SHQ1: variants seen among roughly 807,000 people sequenced by gnomAD.
SHQ1 encodes the protein protein SHQ1 homolog.
A neutral mutation model predicts 53.8 loss-of-function variants in SHQ1; 49 were observed. The ratio of observed to expected loss-of-function variants is 0.91; its 90% CI spans 0.72 to 1.16. SHQ1 has a LOEUF of 1.16. Ranked by LOEUF, SHQ1 falls within the 50% of genes most tolerant of loss-of-function variation. The probability of loss-of-function intolerance (pLI) is 0.00; values close to 1 mark genes in which losing one functional copy is unlikely to be tolerated. For synonymous variants in SHQ1, 243 were observed against 251.0 expected (o/e 0.97, Z 0.30); for missense variants, 738 against 683.1 (o/e 1.08, Z -0.90).
downstream of SHQ1, among the ~76,000 whole-genome samples, chr3:72,746,904 A>G (rs1421906668): frequency 6.6e-6 from 1 of 152,216 alleles, no homozygotes; most frequent in Non-Finnish European, 1.5e-5. Context: ...GAAGAAATGC[A>G]TTTTCAATGG....
chr3:72,752,886 A>G (rs1021810606), intron 10 of SHQ1: 2 of 615,880 alleles, frequency 3.2e-6, no homozygotes, highest in Non-Finnish European at 4.1e-6. Context: ...GATGGTCTTG[A>G]TCTCCTGACC....
chr3:72,816,696 CA>C, intron 7 of SHQ1, among the ~76,000 whole-genome samples: 1 of 151,546 alleles, frequency 6.6e-6, no homozygotes, highest in East Asian at 1.9e-4. Flanking sequence ...CTTTAAATAG[CA>C]AAAAAAGATA....
At chr3:72,839,687 C>G (rs954275899) in intron 4 of SHQ1, among the ~76,000 whole-genome samples, 1 of 152,144 alleles carries the variant, frequency 6.6e-6, no homozygotes, top group Non-Finnish European at 1.5e-5. Flanking sequence ...GACCAGAACC[C>G]AGGTCTTTTC....
chr3:72,844,860 A>G (rs1363536611), intron 1 of SHQ1, among the ~76,000 whole-genome samples: 3 of 152,216 alleles, frequency 2.0e-5, no homozygotes, highest in Non-Finnish European at 4.4e-5. Context: ...CTGCATACAC[A>G]AAAGTATTAA....
At chr3:72,727,424 AG>A in the SHQ1 span, among the ~76,000 whole-genome samples, 1 of 152,174 alleles carries the variant, frequency 6.6e-6, no homozygotes, top group Non-Finnish European at 1.5e-5. Context: ...GAAGGCAAGA[AG>A]CCAGGACACG....
intron 2 of SHQ1, among the ~76,000 whole-genome samples, chr3:72,843,570 T>C (rs1055824236): frequency 7.2e-5 from 11 of 152,208 alleles, no homozygotes; most frequent in African/African-American, 2.7e-4. Context: ...CCCAAATATC[T>C]CCGCATACAC....
In SHQ1 at chr3:72,750,630, C is replaced by T; in HGVS notation, c.1388G>A (p.Ser463Asn). The T allele has an allele frequency of 6.2e-7, 1 of 1,614,192 alleles. No homozygotes were observed. Among genetic ancestry groups the T allele is most frequent in the Admixed American group, 1.7e-5 (1 of 60,026 alleles). The change falls in exon 11 of 11, where the codon AGC becomes AAC. Residue 463 changes from serine (S) to asparagine (N), a missense_variant. Coordinates refer to ENST00000325599, the MANE Select transcript of SHQ1 (RefSeq NM_018130.3). The stretch of plus-strand genomic sequence containing the variant: ...TGAGTCTTCGTTTCCAGATGACACG[C>T]TGCTGTCTGAGTCCTCCGAATCACT... ...EASDSEDSDS[S>N]VSSGNEDSGS...
At chr3:72,846,033 G>C (rs558942802) in intron 1 of SHQ1, among the ~76,000 whole-genome samples, 1 of 152,212 alleles carries the variant, frequency 6.6e-6, no homozygotes, top group South Asian at 2.1e-4. Flanking sequence ...TCTGTAAAGG[G>C]GGGAAATAAC....
intron 9 of SHQ1, among the ~76,000 whole-genome samples, chr3:72,800,143 C>T (rs1706741008): frequency 6.6e-6 from 1 of 152,162 alleles, no homozygotes; most frequent in South Asian, 2.1e-4. Flanking sequence ...GCTGCCAGTT[C>T]AACCTCTTGC....
At chr3:72,763,022 TAC>T (rs35278618) in intron 10 of SHQ1, among the ~76,000 whole-genome samples, 12,356 of 132,440 alleles carry the variant, frequency 0.093, 576 homozygotes, top group African/African-American at 0.14. Flanking sequence ...CATCTTGTTT[TAC>T]ACACACACAC....
intron 10 of SHQ1, among the ~76,000 whole-genome samples, chr3:72,780,394 C>A (rs1706047263): frequency 6.6e-6 from 1 of 152,186 alleles, no homozygotes; most frequent in Admixed American, 6.5e-5. Flanking sequence ...CAAATGCTGA[C>A]AACTGTAATT....
At chr3:72,746,185 C>T (rs543966127), downstream of SHQ1, among the ~76,000 whole-genome samples, 2 of 152,262 alleles carry the variant, frequency 1.3e-5, no homozygotes, top group South Asian at 4.2e-4. Context: ...GGAGTCCCCC[C>T]CTCGTGAGCC....
At position 72,844,349 on chromosome 3, in the gene SHQ1, A is replaced by G. The variant is rs1708266872; in HGVS notation, c.208+10T>C. On this transcript the variant is annotated intron_variant, in intron 2 of 10. Coordinates refer to ENST00000325599, the MANE Select transcript of SHQ1 (RefSeq NM_018130.3). ...AAGAAATAAACTAACAAAAATTCCA[A>G]AGACAATACCTTTATCTGCATCATA... 6.2e-7 allele frequency: 1 copy of G among 1,610,972 alleles called. No homozygotes were observed. Among genetic ancestry groups the G allele is most frequent in the Non-Finnish European group, 8.5e-7 (1 of 1,178,144 alleles).
intron 4 of SHQ1, among the ~76,000 whole-genome samples, chr3:72,832,844 A>C (rs927743874): frequency 1.1e-4 from 16 of 148,848 alleles, no homozygotes; most frequent in African/African-American, 4.0e-4. Flanking sequence ...AAAGTTATTA[A>C]ACGTAGAGTG....
chr3:72,729,000 G>A, the SHQ1 span, among the ~76,000 whole-genome samples: 5 of 152,216 alleles, frequency 3.3e-5, no homozygotes, highest in African/African-American at 1.2e-4. Context: ...ACCAGGTGAC[G>A]GTGACAAACC....
chr3:72,751,496 G>GTACATATATATATA (rs1372925082), intron 10 of SHQ1, among the ~76,000 whole-genome samples: 4,162 of 116,138 alleles, frequency 0.036, 285 homozygotes, highest in Non-Finnish European at 0.048. Flanking sequence ...GTGTGTGTGT[G>GTACATATATATATA]TGTGTGTGTG....
chr3:72,735,236 A>G, the SHQ1 span, among the ~76,000 whole-genome samples: 1 of 151,696 alleles, frequency 6.6e-6, no homozygotes, highest in Admixed American at 6.6e-5. Context: ...TAGTGCTTTA[A>G]AACACCTACC....
chr3:72,771,697 G>A (rs1307749978), intron 10 of SHQ1, among the ~76,000 whole-genome samples: 1 of 152,204 alleles, frequency 6.6e-6, no homozygotes, highest in Non-Finnish European at 1.5e-5. Flanking sequence ...GACCAAGATG[G>A]ACAAAGGTTG....
chr3:72,760,429 T>C (rs1212263018), intron 10 of SHQ1, among the ~76,000 whole-genome samples: 2 of 152,228 alleles, frequency 1.3e-5, no homozygotes, highest in African/African-American at 4.8e-5. Flanking sequence ...GCATGACACA[T>C]ATAAGTGGCT....
Sources: allele counts gnomAD v4.1 joint callset (sites outside exome capture counted in the v4.1 genomes callset), GRCh38; gene constraint gnomAD v4.1.1; transcripts MANE v1.5; gene names NCBI Gene and HGNC (gene_info 2026-07-23, HGNC 2026-07-21).